NLGN1: variants seen among roughly 807,000 people sequenced by gnomAD.
NLGN1 encodes neuroligin-1.
Under a neutral mutation model 65.5 loss-of-function variants are expected in NLGN1, and 12 were observed. The observed-to-expected ratio is 0.18, with a 90% CI of 0.12 to 0.30. The LOEUF (loss-of-function observed/expected upper bound fraction) is 0.30. Ranked by LOEUF, NLGN1 falls within the 10% of genes least tolerant of loss-of-function variation. The pLI, the probability that NLGN1 is intolerant of heterozygous loss-of-function variation, is 1.00. For missense variants in NLGN1, 750 were observed against 1,007.1 expected (o/e 0.74, Z 3.46); for synonymous variants, 350 against 359.5 (o/e 0.97, Z 0.30).
At chr3:174,176,561 G>A (rs532477206) in intron 4 of NLGN1, among the ~76,000 whole-genome samples, 12 of 151,850 alleles carry the variant, frequency 7.9e-5, no homozygotes, top group African/African-American at 2.4e-4. Context: ...TTAGCTTAGC[G>A]CTTCAGTTCA....
At chr3:174,175,758 A>C (rs1160987725) in intron 4 of NLGN1, among the ~76,000 whole-genome samples, 1 of 151,854 alleles carries the variant, frequency 6.6e-6, no homozygotes, top group Non-Finnish European at 1.5e-5. Context: ...AATTAGACTC[A>C]GAGGAGATTA....
chr3:173,514,189 T>C (rs1193904219), intron 2 of NLGN1, among the ~76,000 whole-genome samples: 2 of 152,226 alleles, frequency 1.3e-5, no homozygotes, highest in Admixed American at 1.3e-4. Context: ...CAGGGTTGTA[T>C]TGAAGAATAA....
At chr3:173,787,926 A>T (rs2150351074) in intron 3 of NLGN1, among the ~76,000 whole-genome samples, 1 of 152,338 alleles carries the variant, frequency 6.6e-6, no homozygotes, top group Admixed American at 6.5e-5. Context: ...ATGAAAATAG[A>T]GCTAGAACAT....
rs180996095 is a variant in NLGN1, at chr3:174,128,858, A to G, written c.647-146457A>G. Among the ~76,000 whole-genome samples the G allele has an allele frequency of 3.3e-5, 5 of 152,266 alleles. No individual in the cohort carries two copies. In the East Asian group the frequency reaches 9.7e-4, roughly 29 times the overall value. On this transcript the variant is annotated intron_variant, in intron 4 of 6. Coordinates refer to ENST00000457714, the Ensembl canonical transcript of NLGN1. ...TATCAATCACCCTCCTCACTGCTTC[A>G]TCTGGAAAATGTGTCTGCCTGCCAA...
chr3:173,604,573 G>A (rs755970773), exon 3 of NLGN1: 75 of 1,608,616 alleles, frequency 4.7e-5, no homozygotes, highest in Non-Finnish European at 5.2e-5. Flanking sequence ...ACTGTAACCA[G>A]ACAACTAGAC....
intron 4 of NLGN1, among the ~76,000 whole-genome samples, chr3:174,241,720 C>T (rs1381709837): frequency 6.6e-6 from 1 of 151,250 alleles, no homozygotes; most frequent in East Asian, 2.0e-4. Context: ...GTGGCACGAT[C>T]TCGGCTCACT....
At chr3:174,044,175 A>G (rs1178526872) in intron 4 of NLGN1, among the ~76,000 whole-genome samples, 2 of 152,168 alleles carry the variant, frequency 1.3e-5, no homozygotes, top group East Asian at 3.9e-4. Flanking sequence ...GGCCTGGCCC[A>G]CAACACCATT....
At chr3:173,452,150 T>C (rs1303058060) in intron 2 of NLGN1, among the ~76,000 whole-genome samples, 1 of 151,760 alleles carries the variant, frequency 6.6e-6, no homozygotes, top group African/African-American at 2.4e-5. Context: ...TCTGCGTCAC[T>C]CGCGCTGGGA....
At chr3:173,472,707 G>A (rs966064624) in intron 2 of NLGN1, among the ~76,000 whole-genome samples, 1 of 151,824 alleles carries the variant, frequency 6.6e-6, no homozygotes, top group Non-Finnish European at 1.5e-5. Context: ...ACCTGGGGTG[G>A]GAATACATAA....
At chr3:173,847,837 A>T (rs1332826399) in intron 4 of NLGN1, among the ~76,000 whole-genome samples, 1 of 152,162 alleles carries the variant, frequency 6.6e-6, no homozygotes, top group African/African-American at 2.4e-5. Context: ...ACATCACTGC[A>T]CTCTAGCCTG....
chr3:173,539,806 A>G (rs1033042674), intron 2 of NLGN1, among the ~76,000 whole-genome samples: 1 of 137,540 alleles, frequency 7.3e-6, no homozygotes, highest in Non-Finnish European at 1.5e-5. Flanking sequence ...ACATATATAT[A>G]CATATATACA....
intron 4 of NLGN1, among the ~76,000 whole-genome samples, chr3:174,112,988 G>A (rs1213245494): frequency 1.3e-5 from 2 of 151,844 alleles, no homozygotes; most frequent in Admixed American, 1.3e-4. Flanking sequence ...AATAGGATAT[G>A]TATATAAACA....
intron 3 of NLGN1, among the ~76,000 whole-genome samples, chr3:173,673,492 G>A (rs1315916452): frequency 1.3e-5 from 2 of 152,090 alleles, no homozygotes; most frequent in East Asian, 1.9e-4. Flanking sequence ...TGGTTTGCAA[G>A]GTCTAGTTTG....
chr3:173,427,584 G>A (rs765005579), intron 1 of NLGN1, among the ~76,000 whole-genome samples: 2 of 151,710 alleles, frequency 1.3e-5, no homozygotes, highest in Admixed American at 6.6e-5. Context: ...GTTTTTCAAG[G>A]CCATGTTGTT....
chr3:173,739,822 A>T (rs1774356578), intron 3 of NLGN1, among the ~76,000 whole-genome samples: 1 of 152,142 alleles, frequency 6.6e-6, no homozygotes, highest in South Asian at 2.1e-4. Flanking sequence ...CAAAGGTTGT[A>T]AATGCGCTTC....
intron 1 of NLGN1, among the ~76,000 whole-genome samples, chr3:173,433,170 A>G (rs1255318292): frequency 3.3e-5 from 5 of 152,012 alleles, no homozygotes; most frequent in Admixed American, 2.6e-4. Flanking sequence ...CCAATCTCCC[A>G]TTGCTGCCAT....
At chr3:174,240,476 G>A (rs992595354) in intron 4 of NLGN1, among the ~76,000 whole-genome samples, 2 of 152,064 alleles carry the variant, frequency 1.3e-5, no homozygotes, top group African/African-American at 4.8e-5. Flanking sequence ...TCTACATTTA[G>A]ATAAATCCTG....
chr3:173,404,918 C>T (rs1718334456), intron 1 of NLGN1, among the ~76,000 whole-genome samples: 1 of 152,092 alleles, frequency 6.6e-6, no homozygotes, highest in Non-Finnish European at 1.5e-5. Context: ...ATTAATTCCA[C>T]AATCGTTCTC....
At chr3:174,256,653 T>C (rs1561403716) in intron 4 of NLGN1, among the ~76,000 whole-genome samples, 3 of 152,174 alleles carry the variant, frequency 2.0e-5, no homozygotes, top group Admixed American at 2.0e-4. Context: ...TATGCCTCTT[T>C]TTTGGAAATG....
Sources: allele counts gnomAD v4.1 joint callset (sites outside exome capture counted in the v4.1 genomes callset), GRCh38; gene constraint gnomAD v4.1.1; transcripts MANE v1.5; gene names NCBI Gene and HGNC (gene_info 2026-07-23, HGNC 2026-07-21).